NRAS: variants seen among roughly 807,000 people sequenced by gnomAD.
The protein encoded by NRAS is GTPase NRas.
NRAS carries 6 observed loss-of-function variants against 21.3 expected under a neutral mutation model. That is an observed-to-expected ratio of 0.28 (90% CI 0.15 to 0.56). NRAS has a LOEUF of 0.56. Ranked by LOEUF, NRAS falls within the 20% of genes least tolerant of loss-of-function variation. The probability of loss-of-function intolerance (pLI) is 0.93; values close to 1 mark genes in which losing one functional copy is unlikely to be tolerated. For missense variants in NRAS, 143 were observed against 231.3 expected, an observed-to-expected ratio of 0.62 and a Z score of 2.48; for synonymous variants, 84 against 82.0, an observed-to-expected ratio of 1.02 and a Z score of -0.13.
At chr1:114,714,429 A>T (rs1234445905) in intron 2 of NRAS, among the ~76,000 whole-genome samples, 1 of 152,230 alleles carries the variant, frequency 6.6e-6, no homozygotes, top group African/African-American at 2.4e-5. Flanking sequence ...TTTATGACTA[A>T]ATATACAAAT....
intron 4 of NRAS, 126 bp downstream of exon 4, chr1:114,709,442 AT>A (rs1358750189): frequency 3.6e-6 from 3 of 822,140 alleles, no homozygotes; most frequent in South Asian, 1.7e-5. Flanking sequence ...CTAAAAAAAA[AT>A]AAAAAATAAA....
chr1:114,716,182 T>C lies in NRAS; in HGVS notation c.-17-5A>G. 3 of 1,508,868 alleles carry C rather than the reference T, an allele frequency of 2.0e-6. No individual in the cohort carries two copies. The highest frequency in any genetic ancestry group is 2.8e-6 in the Non-Finnish European group (3 of 1,083,874). The allele number at this position is 1,508,868 out of a possible 1,614,324, so 93.5% of individuals were successfully genotyped here. A position where few individuals can be genotyped will look rare whatever the true frequency, so the allele number is the denominator to read the frequency against. On this transcript the variant is annotated splice_region_variant and splice_polypyrimidine_tract_variant and intron_variant, in intron 1 of 6. Coordinates refer to ENST00000369535, the MANE Select transcript of NRAS (RefSeq NM_002524.5). ...TCATTTCACACCAGCAAGAACCTGT[T>C]GGAAACCAGTAATCAGGGTTAATTG...
chr1:114,712,054 G>A (rs758288591), intron 3 of NRAS, among the ~76,000 whole-genome samples: 19 of 152,156 alleles, frequency 1.2e-4, no homozygotes, highest in Non-Finnish European at 1.0e-4. Flanking sequence ...GCAAAACTGT[G>A]CTTGATGGTA....
intron 4 of NRAS, 104 bp from the exon 5 acceptor site, chr1:114,708,758 T>G: frequency 2.9e-6 from 3 of 1,023,598 alleles, no homozygotes; most frequent in South Asian, 2.7e-5. Context: ...GACATAAGAT[T>G]CCAATTACTA....
chr1:114,712,355 TTG>T (rs1317083684), intron 3 of NRAS, among the ~76,000 whole-genome samples: 2 of 152,254 alleles, frequency 1.3e-5, no homozygotes, highest in Non-Finnish European at 2.9e-5. Context: ...CCTTATTTTT[TTG>T]GTCTCACTTA....
In NRAS at chr1:114,713,856, G is replaced by A. The variant is rs1557982793; in HGVS notation, c.234C>T (p.Phe78=). 2 of 1,613,990 alleles carry A rather than the reference G, an allele frequency of 1.2e-6. No individual in the cohort carries two copies. Among genetic ancestry groups the A allele is most frequent in the Non-Finnish European group, 1.7e-6 (2 of 1,179,910 alleles). ...TATTATTGATGGCAAATACACAGAG[G>A]AAGCCTTCGCCTGTCCTCATGTATT... is the stretch of plus-strand genomic sequence containing the variant. ...RDQYMRTGEG[F]LCVFAINNSK... Residue 78 remains phenylalanine, a synonymous_variant, in exon 3 of 7, where the codon TTC becomes TTT. Transcript: ENST00000369535.
At chr1:114,708,477 T>C (rs1658964682) in intron 5 of NRAS, 54 bp downstream of exon 5, 1 of 1,549,686 alleles carries the variant, frequency 6.5e-7, no homozygotes, top group East Asian at 2.2e-5. Context: ...TCCTCCAAAT[T>C]GCCCAATACT....
At chr1:114,708,225 T>C (rs531389877) in intron 5 of NRAS, 33 bp from the exon 6 acceptor site, 78 of 359,612 alleles carry the variant, frequency 2.2e-4, no homozygotes, top group African/African-American at 1.6e-3. Flanking sequence ...ATGTCCTTAT[T>C]AACTAGTTTC....
chr1:114,707,099 T>C lies in NRAS; in HGVS notation c.*995A>G, dbSNP rs1043755591. On this transcript the variant is annotated 3_prime_UTR_variant, in exon 7 of 7. Coordinates refer to ENST00000369535, the MANE Select transcript of NRAS (RefSeq NM_002524.5). ...GGTATGACACAAATTTGAATACAAATGGAAGTTCATTGAATATTAGGTTTA... is the reference window on the plus strand; with the variant it reads ...GGTATGACACAAATTTGAATACAAACGGAAGTTCATTGAATATTAGGTTTA... 1 of 152,628 alleles carries C rather than the reference T, an allele frequency of 6.6e-6. No homozygotes were observed. Among genetic ancestry groups the C allele is most frequent in the African/African-American group, 2.4e-5 (1 of 41,442 alleles). The allele number at this position is 152,628 out of a possible 1,614,324, so 9.5% of individuals were successfully genotyped here.
At chr1:114,711,201 G>A (rs1265094383) in intron 3 of NRAS, among the ~76,000 whole-genome samples, 1 of 152,130 alleles carries the variant, frequency 6.6e-6, no homozygotes, top group African/African-American at 2.4e-5. Context: ...AGCTACTCAG[G>A]AAGCTGAGGT....
Position 114,713,840 on chromosome 1 carries a change from T to G in NRAS, c.250A>C (p.Ile84Leu). ...TGEGFLCVFA[I>L]NNSKSFADIN... ...TCCGCAAATGACTTGCTATTATTGA[T>G]GGCAAATACACAGAGGAAGCCTTCG... is the stretch of plus-strand genomic sequence containing the variant. The change falls in exon 3 of 7, where the codon ATC becomes CTC. Residue 84 changes from isoleucine to leucine, a missense_variant. Physicochemically the swap from Ile to Leu is conservative, Grantham distance 5. Coordinates refer to ENST00000369535, the MANE Select transcript of NRAS (RefSeq NM_002524.5). 1 of 1,614,120 alleles carries G rather than the reference T, an allele frequency of 6.2e-7. No homozygotes were observed. Among genetic ancestry groups the G allele is most frequent in the East Asian group, 2.2e-5 (1 of 44,868 alleles).
rs1349128777 is a variant in NRAS at position 114,707,411 on chromosome 1, ATAT to A, written c.*680_*682del. The A allele has an allele frequency of 6.6e-6, 1 of 152,616 alleles. No individual in the cohort carries two copies. The highest frequency in any genetic ancestry group is 1.5e-5 in the Non-Finnish European group (1 of 68,024). The allele number at this position is 152,616 out of a possible 1,614,324, so 9.5% of individuals were successfully genotyped here. On this transcript the variant is annotated 3_prime_UTR_variant, in exon 7 of 7. Transcript: ENST00000369535. ...TTTTTGAGACATCTATTCCACTGAA[ATAT>A]TATAAAGGAAGTCTACAAACCACTT...
chr1:114,711,097 A>G (rs1659034812), intron 3 of NRAS, among the ~76,000 whole-genome samples: 1 of 152,076 alleles, frequency 6.6e-6, no homozygotes, highest in Non-Finnish European at 1.5e-5. Context: ...TTGACCTAGG[A>G]GTCCGAGACC....
intron 2 of NRAS, among the ~76,000 whole-genome samples, chr1:114,714,440 A>G (rs1371107882): frequency 6.6e-6 from 1 of 152,170 alleles, no homozygotes; most frequent in Non-Finnish European, 1.5e-5. Flanking sequence ...ATATACAAAT[A>G]CCTTTGTTTC....
Position 114,708,598 on chromosome 1 carries a change from T to G in NRAS, c.507A>C (p.Lys169Asn). The change falls in exon 5 of 7, where the codon AAA becomes AAC. Residue 169 changes from lysine (K) to asparagine (N), a missense_variant. Coordinates refer to ENST00000369535, the MANE Select transcript of NRAS (RefSeq NM_002524.5). ...LVREIRQYRM[K>N]KLNSSDDGTQ... ...TCCCATCATCACTGCTGTTGAGTTT[T>G]TTCATTCGGTACTGGCGTATTTCTC... 6.2e-7 allele frequency: 1 copy of G among 1,613,490 alleles called. No homozygotes were observed. The highest frequency in any genetic ancestry group is 8.5e-7 in the Non-Finnish European group (1 of 1,179,370).
intron 4 of NRAS, among the ~76,000 whole-genome samples, chr1:114,709,307 T>C (rs1658987879): frequency 6.6e-6 from 1 of 151,928 alleles, no homozygotes; most frequent in South Asian, 2.1e-4. Flanking sequence ...CATGATGATG[T>C]GCCCGTAGTC....
chr1:114,715,685 A>G (rs968081102), intron 2 of NRAS, among the ~76,000 whole-genome samples: 2 of 152,196 alleles, frequency 1.3e-5, no homozygotes, highest in Admixed American at 6.5e-5. Flanking sequence ...ATATTGAAGA[A>G]CACTCATCTC....
intron 3 of NRAS, among the ~76,000 whole-genome samples, chr1:114,710,069 T>C (rs1459493755): frequency 6.6e-6 from 1 of 151,318 alleles, no homozygotes; most frequent in South Asian, 2.1e-4. Context: ...CAGGCGCCTA[T>C]AGTCCCAGCT....
At chr1:114,712,242 C>T (rs1019649612) in intron 3 of NRAS, among the ~76,000 whole-genome samples, 1 of 152,186 alleles carries the variant, frequency 6.6e-6, no homozygotes, top group African/African-American at 2.4e-5. Flanking sequence ...TGGCTACTTT[C>T]CTTTTCACAA....
Sources: gnomAD v4.1 joint callset for allele counts (sites outside exome capture counted in the v4.1 genomes callset) on GRCh38, gnomAD v4.1.1 for gene constraint, MANE v1.5 for transcripts, NCBI Gene and HGNC (gene_info 2026-07-23, HGNC 2026-07-21) for gene names.